The following NCAPH2 variants were observed in gnomAD, a reference collection of about 807,000 sequenced individuals.
NCAPH2 encodes non-SMC condensin II complex subunit H2.
Under a neutral mutation model 88.6 loss-of-function variants are expected in NCAPH2, and 56 were observed. The observed-to-expected ratio is 0.63, with a 90% confidence interval of 0.51 to 0.79. The LOEUF (loss-of-function observed/expected upper bound fraction) is 0.79, where lower values mean the gene tolerates loss of function less well. Among genes scored for constraint, NCAPH2 ranks in the 30% least tolerant of loss-of-function variants. The pLI is 0.00. For missense variants in NCAPH2, 794 were observed against 792.0 expected, an observed-to-expected ratio of 1.00 and a Z score of -0.03; for synonymous variants, 378 against 313.6, an observed-to-expected ratio of 1.21 and a Z score of -2.17.
At chr22:50,520,301 G>A (rs1186561987) in intron 9 of NCAPH2, 2 of 152,252 alleles carry the variant, frequency 1.3e-5, no homozygotes, top group African/African-American at 4.8e-5. Context: ...GCCCAGGCTA[G>A]AGTGCAGTGG....
intron 2 of NCAPH2, 101 bp from the exon 3 acceptor site, chr22:50,517,326 G>A: frequency 1.7e-6 from 2 of 1,198,286 alleles, no homozygotes; most frequent in Non-Finnish European, 2.5e-6. Context: ...GAGGTTTGGT[G>A]GTGGTGGCCA....
In NCAPH2 at chr22:50,523,539, C is replaced by G. The variant is rs190241660; in HGVS notation, c.*164C>G. 3.2e-6 allele frequency: 5 copies of G among 1,580,044 alleles called. No individual in the cohort carries two copies. Among genetic ancestry groups the G allele is most frequent in the African/African-American group, 1.3e-5 (1 of 74,210 alleles). On this transcript the variant is annotated 3_prime_UTR_variant, in exon 20 of 20. Transcript: ENST00000420993. ...AGAGGGCTGCCTGGCCTCCCTGGGC[C>G]GCTGGTACAGATCACACACACACAC...
intron 9 of NCAPH2, among the ~76,000 whole-genome samples, chr22:50,520,019 C>A (rs955747141): frequency 6.6e-6 from 1 of 151,058 alleles, no homozygotes; most frequent in South Asian, 2.1e-4. Flanking sequence ...TACAGGCGCC[C>A]GCCACCATGC....
At position 50,521,997 on chromosome 22, in the gene NCAPH2, G is replaced by A. The variant is rs200852304; in HGVS notation, c.1120G>A (p.Ala374Thr). The change falls in exon 13 of 20, where the codon GCC (alanine) becomes ACC (threonine). Residue 374 changes from alanine (A) to threonine (T), a missense_variant. Ala to Thr is a moderately conservative substitution (Grantham distance 58). This residue lies in a region of NCAPH2 where 735 missense variants were observed against 696.3 expected (regional missense o/e 1.06). Coordinates refer to ENST00000420993, the MANE Select transcript of NCAPH2 (RefSeq NM_152299.4). ...QWYLAAYADHADSRRLRRKGP... is the reference protein window; with the variant it reads ...QWYLAAYADHTDSRRLRRKGP... ...ATGTTCTTTCACAGATGCAGACCAT[G>A]CCGACAGCAGGCGGCTTCGGCGAAA... is the stretch of plus-strand genomic sequence containing the variant. 3.1e-6 allele frequency: 5 copies of A among 1,613,998 alleles called. 1 individual carries two copies. In the Admixed American group the frequency reaches 5.0e-5, roughly 16 times the overall value.
In NCAPH2 at chr22:50,522,655, A is replaced by T. The variant is rs1360510503; in HGVS notation, c.1376-16A>T. ...GTGGCCCCTTAGCTGCCCAGCTCAC[A>T]GCTACCCCTTCCCAGACGCAGTGCC... On this transcript the variant is annotated splice_polypyrimidine_tract_variant and intron_variant, in intron 16 of 19. Transcript: ENST00000420993. 2.5e-6 allele frequency: 4 copies of T among 1,613,698 alleles called. No individual in the cohort carries two copies. In the South Asian group the frequency reaches 3.3e-5, roughly 13 times the overall value.
At chr22:50,514,888 C>T (rs185502135) in intron 1 of NCAPH2, among the ~76,000 whole-genome samples, 1 of 152,364 alleles carries the variant, frequency 6.6e-6, no homozygotes, top group African/African-American at 2.4e-5. Flanking sequence ...CTCCCCAGCA[C>T]GCGCCATGCT....
chr22:50,517,964 T>A lies in NCAPH2; in HGVS notation c.421-9T>A, dbSNP rs374045324. 1.9e-4 allele frequency: 299 copies of A among 1,612,328 alleles called. No individual in the cohort carries two copies. Among genetic ancestry groups the A allele is most frequent in the Non-Finnish European group, 2.3e-4 (273 of 1,179,146 alleles). ...GTGCCTGGCTCACCCACCCTTGGCC[T>A]CCATGCAGGAGGTCCTCATCATCCC... On this transcript the variant is annotated splice_polypyrimidine_tract_variant and intron_variant, in intron 5 of 19. Transcript: ENST00000420993.
Position 50,524,253 on chromosome 22 carries a change from C to A in NCAPH2, c.*878C>A, listed in dbSNP as rs544087266. Reference sequence around the variant, plus strand: ...GCAGCCGGGTTCGAAGCCCAGGGCCCTGGGGCTGGCCCTGCCCACCTGTCT... The same window carrying A: ...GCAGCCGGGTTCGAAGCCCAGGGCCATGGGGCTGGCCCTGCCCACCTGTCT... On this transcript the variant is annotated 3_prime_UTR_variant, in exon 20 of 20. Transcript: ENST00000420993. 1 of 1,605,518 alleles carries A rather than the reference C, an allele frequency of 6.2e-7. No individual in the cohort carries two copies. Among genetic ancestry groups the A allele is most frequent in the Non-Finnish European group, 8.5e-7 (1 of 1,179,836 alleles).
At chr22:50,515,780 G>C in intron 1 of NCAPH2, 5 of 1,301,840 alleles carry the variant, frequency 3.8e-6, no homozygotes, top group Non-Finnish European at 3.0e-6. Flanking sequence ...GTTGGGTAAA[G>C]TATGGAAGTA....
At chr22:50,508,587 CCTG>C in intron 1 of NCAPH2, 142 bp downstream of exon 1, 1 of 530,000 alleles carries the variant, frequency 1.9e-6, no homozygotes, top group Non-Finnish European at 3.1e-6. Context: ...CCTCGGGCTC[CCTG>C]CTTCTTTTCA....
chr22:50,516,930 GAGA>G (rs1438028442), intron 2 of NCAPH2, among the ~76,000 whole-genome samples: 3 of 152,208 alleles, frequency 2.0e-5, no homozygotes, highest in Non-Finnish European at 2.9e-5. Flanking sequence ...TTCTGTGGAG[GAGA>G]AGGACAGGAA....
Position 50,523,516 on chromosome 22 carries a change from AGGGCTGCCTGGCCTCCCT to A in NCAPH2, c.*146_*163del. 1 of 1,555,504 alleles carries A rather than the reference AGGGCTGCCTGGCCTCCCT, an allele frequency of 6.4e-7. No homozygotes were observed. Among genetic ancestry groups the A allele is most frequent in the Non-Finnish European group, 8.7e-7 (1 of 1,145,596 alleles). ...TTTTATGTACACCTGCGCAGAGAAG[AGGGCTGCCTGGCCTCCCT>A]GGGCCGCTGGTACAGATCACACACA... On this transcript the variant is annotated 3_prime_UTR_variant, in exon 20 of 20. Transcript: ENST00000420993.
chr22:50,524,686 A>G lies in NCAPH2; in HGVS notation c.*1311A>G. The G allele has an allele frequency of 1.5e-6, 1 of 670,020 alleles. No individual in the cohort carries two copies. Among genetic ancestry groups the G allele is most frequent in the Non-Finnish European group, 2.8e-6 (1 of 354,796 alleles). 41.5% of individuals were successfully genotyped at this position (670,020 alleles called of 1,614,324 possible). On this transcript the variant is annotated 3_prime_UTR_variant, in exon 20 of 20. Transcript: ENST00000420993. ...CCTGCCCTGCACCTGCACCTCAGCA[A>G]GGTGAACCTCTTGCTGACGGAAAGC... is the stretch of plus-strand genomic sequence containing the variant.
rs562024036 is a variant in NCAPH2 at position 50,518,448 on chromosome 22, C to T, written c.646+170C>T. 8.5e-5 allele frequency among the ~76,000 whole-genome samples: 13 copies of T among 152,278 alleles called. No individual in the cohort carries two copies. The South Asian group carries it at 1.7e-3, about 19-fold the overall frequency. On this transcript the variant is annotated intron_variant, in intron 7 of 19. Coordinates refer to ENST00000420993, the MANE Select transcript of NCAPH2 (RefSeq NM_152299.4). ...GTGCTCATCCCACCCATCTGCTGTG[C>T]CTTGATTACAAGTTAACATGGTCTC...
rs558814040 is a variant in NCAPH2, at chr22:50,521,764, T to A, written c.1024T>A (p.Cys342Ser). Residue 342 changes from cysteine to serine, a missense_variant, in exon 12 of 20, where the codon TGT becomes AGT. Physicochemically the swap from Cys to Ser is moderately radical, Grantham distance 112. Coordinates refer to ENST00000420993, the MANE Select transcript of NCAPH2 (RefSeq NM_152299.4). Reference sequence around the variant, plus strand: ...AGGTAGGCCTTACTCTGTGCCCCCCTGTGTGGAGGAGGCTCTGGGACAGAA... The same window carrying A: ...AGGTAGGCCTTACTCTGTGCCCCCCAGTGTGGAGGAGGCTCTGGGACAGAA... Reference protein sequence around the residue: ...KKGRPYSVPPCVEEALGQKRK... With the variant: ...KKGRPYSVPPSVEEALGQKRK... The A allele has an allele frequency of 1.2e-6, 2 of 1,613,796 alleles. No individual in the cohort carries two copies. Among genetic ancestry groups the A allele is most frequent in the African/African-American group, 1.3e-5 (1 of 75,034 alleles).
At chr22:50,521,095 C>G in intron 10 of NCAPH2, 59 bp downstream of exon 10, 1 of 1,524,002 alleles carries the variant, frequency 6.6e-7, no homozygotes, top group South Asian at 1.2e-5. Flanking sequence ...CGAGGACTGG[C>G]TGCCTGCCCA....
In NCAPH2 at chr22:50,520,951, G is replaced by A. The variant is rs1039294699; in HGVS notation, c.862-14G>A. 2 of 1,550,560 alleles carry A rather than the reference G, an allele frequency of 1.3e-6. No homozygotes were observed. The highest frequency in any genetic ancestry group is 2.7e-5 in the African/African-American group (2 of 73,058). ...GAAAGAGGAGAAGTGGGGACCCTGT[G>A]ACTGTCTTTGCAGAGTGCTGCCCTG... On this transcript the variant is annotated splice_polypyrimidine_tract_variant and intron_variant, in intron 9 of 19. Coordinates refer to ENST00000420993, the MANE Select transcript of NCAPH2 (RefSeq NM_152299.4).
At chr22:50,519,069 C>T (rs1603441211) in intron 8 of NCAPH2, 121 bp from the exon 9 acceptor site, 2 of 983,196 alleles carry the variant, frequency 2.0e-6, no homozygotes, top group Non-Finnish European at 1.5e-6. Context: ...GTGCAAGGCA[C>T]CCGCCAAATC....
intron 1 of NCAPH2, among the ~76,000 whole-genome samples, chr22:50,509,552 A>G (rs1275608242): frequency 1.3e-5 from 2 of 152,286 alleles, no homozygotes; most frequent in East Asian, 3.9e-4. Context: ...TCTGTTGTCC[A>G]TTTTATTTGG....
Sources: gnomAD v4.1 joint callset for allele counts (sites outside exome capture counted in the v4.1 genomes callset) on GRCh38, gnomAD v4.1.1 for gene constraint, gnomAD v4.1.1 regional missense constraint, MANE v1.5 for transcripts, NCBI Gene and HGNC (gene_info 2026-07-23, HGNC 2026-07-21) for gene names.